SMIM15: variants seen among roughly 807,000 people sequenced by gnomAD.
The protein encoded by SMIM15 is UPF0542 protein C5orf43.
A neutral mutation model predicts 6.8 loss-of-function variants in SMIM15; 5 were observed. That is an observed-to-expected ratio of 0.74 (90% confidence interval 0.39 to 1.56). The LOEUF (loss-of-function observed/expected upper bound fraction) is 1.56. Ranked by LOEUF, SMIM15 falls within the 40% of genes most tolerant of loss-of-function variation. SMIM15 has a pLI of 0.03. For missense variants in SMIM15, 81 were observed against 84.8 expected (o/e 0.96, Z 0.18); for synonymous variants, 30 against 30.8 (o/e 0.97, Z 0.09).
Position 61,160,092 on chromosome 5 carries a change from ATAACGGTTG to A in SMIM15, c.71_79del (p.Thr24_Val26del). 6.2e-7 allele frequency: 1 copy of A among 1,614,226 alleles called. No individual in the cohort carries two copies. ...TAGGAACAGTGGAGTAAGGGCCAAA[ATAACGGTTG>A]TAAGGAAGCCATAGGGGTCCTTTGC... On this transcript the variant is annotated inframe_deletion, in exon 3 of 3. Transcript: ENST00000339020.
At chr5:61,160,619 A>C (rs1741397069) in intron 2 of SMIM15, among the ~76,000 whole-genome samples, 2 of 152,200 alleles carry the variant, frequency 1.3e-5, no homozygotes, top group Admixed American at 6.5e-5. Flanking sequence ...TAGTATTACT[A>C]ATTAACAAAA....
rs1741361028 is a variant in SMIM15, at chr5:61,158,551, G to C, written c.*1396C>G. 1 of 142,728 alleles carries C rather than the reference G, an allele frequency of 7.0e-6. No homozygotes were observed. Among genetic ancestry groups the C allele is most frequent in the East Asian group, 2.0e-4 (1 of 4,892 alleles). The allele number at this position is 142,728 out of a possible 1,614,324, so 8.8% of individuals were successfully genotyped here. A position where few individuals can be genotyped will look rare whatever the true frequency, so the allele number is the denominator to read the frequency against. The stretch of plus-strand genomic sequence containing the variant: ...GAAATTCTAACTTGCATAACATAAT[G>C]TAACTTAAAATGTTAGTTCCTCCAA... On this transcript the variant is annotated 3_prime_UTR_variant, in exon 3 of 3. Coordinates refer to ENST00000339020, the MANE Select transcript of SMIM15 (RefSeq NM_001048249.4).
At position 61,159,332 on chromosome 5, in the gene SMIM15, T is replaced by C. The variant is rs1349698796; in HGVS notation, c.*615A>G. The C allele has an allele frequency of 6.5e-6, 1 of 153,226 alleles. No homozygotes were observed. The highest frequency in any genetic ancestry group is 6.5e-5 in the Admixed American group (1 of 15,344). 9.5% of individuals were successfully genotyped at this position (153,226 alleles called of 1,614,324 possible). On this transcript the variant is annotated 3_prime_UTR_variant, in exon 3 of 3. Coordinates refer to ENST00000339020, the MANE Select transcript of SMIM15 (RefSeq NM_001048249.4). The stretch of plus-strand genomic sequence containing the variant: ...CGAGATAAGAGAATTCTTTATAAAA[T>C]TATGTTTTAAAAAATGGAAAATGAC...
Position 61,158,766 on chromosome 5 carries a change from T to G in SMIM15, c.*1181A>C, listed in dbSNP as rs1419278985. The stretch of plus-strand genomic sequence containing the variant: ...TGAATAAAATTATTGGACCATGCAT[T>G]TATAAAAGCCATGTTTAATAGTAAA... On this transcript the variant is annotated 3_prime_UTR_variant, in exon 3 of 3. Coordinates refer to ENST00000339020, the MANE Select transcript of SMIM15 (RefSeq NM_001048249.4). 6.6e-6 allele frequency: 1 copy of G among 152,170 alleles called. No individual in the cohort carries two copies. Among genetic ancestry groups the G allele is most frequent in the African/African-American group, 2.4e-5 (1 of 41,448 alleles). 9.4% of individuals were successfully genotyped at this position (152,170 alleles called of 1,614,324 possible). A position where few individuals can be genotyped will look rare whatever the true frequency, so the allele number is the denominator to read the frequency against.
In SMIM15 at chr5:61,160,230, A is replaced by G. The variant is rs978280962; in HGVS notation, c.-28-31T>C. 15 of 1,500,278 alleles carry G rather than the reference A, an allele frequency of 1.0e-5. No homozygotes were observed. In the Admixed American group the frequency reaches 2.2e-4, roughly 22 times the overall value. 92.9% of individuals were successfully genotyped at this position (1,500,278 alleles called of 1,614,324 possible). On this transcript the variant is annotated intron_variant, in intron 2 of 2. Coordinates refer to ENST00000339020, the MANE Select transcript of SMIM15 (RefSeq NM_001048249.4). Reference sequence around the variant, plus strand: ...GGAGGCGGGTGGAGAACACAGAGGAAAAAAACAGGAGAAAAGACTATGTGG... The same window carrying G: ...GGAGGCGGGTGGAGAACACAGAGGAGAAAAACAGGAGAAAAGACTATGTGG...
chr5:61,158,712 T>A lies in SMIM15; in HGVS notation c.*1235A>T, dbSNP rs1741363571. On this transcript the variant is annotated 3_prime_UTR_variant, in exon 3 of 3. Transcript: ENST00000339020. Reference sequence around the variant, plus strand: ...CATTAATGGGTACAGAAAACATTAATAAGCTGACAGTGAATTAAATACTAA... The same window carrying A: ...CATTAATGGGTACAGAAAACATTAAAAAGCTGACAGTGAATTAAATACTAA... 6.6e-6 allele frequency: 1 copy of A among 152,178 alleles called. No individual in the cohort carries two copies. The highest frequency in any genetic ancestry group is 1.5e-5 in the Non-Finnish European group (1 of 68,018). 9.4% of individuals were successfully genotyped at this position (152,178 alleles called of 1,614,324 possible). A position where few individuals can be genotyped will look rare whatever the true frequency, so the allele number is the denominator to read the frequency against.
Position 61,160,188 on chromosome 5 carries a change from T to A in SMIM15, c.-17A>T, listed in dbSNP as rs778720713. ...ATCAAACATCTTCACAGCAGTCTTA[T>A]GAAAACTGGGGCTGGGGGAGGCGGG... On this transcript the variant is annotated 5_prime_UTR_variant, in exon 3 of 3. Transcript: ENST00000339020. The A allele has an allele frequency of 1.2e-6, 2 of 1,607,980 alleles. No individual in the cohort carries two copies. The highest frequency in any genetic ancestry group is 2.2e-5 in the South Asian group (2 of 89,952).
intron 1 of SMIM15, among the ~76,000 whole-genome samples, chr5:61,161,479 T>G (rs1426744819): frequency 6.6e-6 from 1 of 152,158 alleles, no homozygotes; most frequent in Non-Finnish European, 1.5e-5. Context: ...ATAATAAAAT[T>G]TTTTTAGTTC....
At chr5:61,161,855 C>T (rs907871522) in intron 1 of SMIM15, among the ~76,000 whole-genome samples, 3 of 152,194 alleles carry the variant, frequency 2.0e-5, no homozygotes, top group Non-Finnish European at 4.4e-5. Context: ...CATACGACCT[C>T]ACCCATACAG....
In SMIM15 at chr5:61,158,971, T is replaced by C. The variant is rs1179098540; in HGVS notation, c.*976A>G. 6.6e-6 allele frequency: 1 copy of C among 152,224 alleles called. No individual in the cohort carries two copies. The highest frequency in any genetic ancestry group is 1.5e-5 in the Non-Finnish European group (1 of 68,030). 9.4% of individuals were successfully genotyped at this position (152,224 alleles called of 1,614,324 possible). On this transcript the variant is annotated 3_prime_UTR_variant, in exon 3 of 3. Transcript: ENST00000339020. ...GAAGTATGGCGTAACTGTTACACTT[T>C]AAGAGTTCTTTAAAAGAAATGTGAA...
At chr5:61,160,936 G>A (rs1741406078) in intron 2 of SMIM15, among the ~76,000 whole-genome samples, 152 bp downstream of exon 2, 1 of 152,180 alleles carries the variant, frequency 6.6e-6, no homozygotes, top group African/African-American at 2.4e-5. Flanking sequence ...TGACTTGAGT[G>A]ACGTTTTCTA....
In SMIM15 at chr5:61,159,687, C is replaced by A; in HGVS notation, c.*260G>T. The A allele has an allele frequency of 2.2e-6, 1 of 461,372 alleles. No individual in the cohort carries two copies. Among genetic ancestry groups the A allele is most frequent in the South Asian group, 2.6e-5 (1 of 38,274 alleles). The allele number at this position is 461,372 out of a possible 1,614,324, so 28.6% of individuals were successfully genotyped here. ...ATATAAACTGCTAAGCGGCAAATGA[C>A]TAAGTCAGTTATAAAGAATTTGTAC... is the stretch of plus-strand genomic sequence containing the variant. On this transcript the variant is annotated 3_prime_UTR_variant, in exon 3 of 3. Transcript: ENST00000339020.
Position 61,159,862 on chromosome 5 carries a change from C to A in SMIM15, c.*85G>T. The A allele has an allele frequency of 6.9e-7, 1 of 1,449,718 alleles. No homozygotes were observed. Among genetic ancestry groups the A allele is most frequent in the South Asian group, 1.3e-5 (1 of 79,370 alleles). 89.8% of individuals were successfully genotyped at this position (1,449,718 alleles called of 1,614,324 possible). A position where few individuals can be genotyped will look rare whatever the true frequency, so the allele number is the denominator to read the frequency against. ...TTACTAAATCATACTGTCAAGAAAT[C>A]CAAAGAAGAAACTTTAGTGGATTCT... On this transcript the variant is annotated 3_prime_UTR_variant, in exon 3 of 3. Coordinates refer to ENST00000339020, the MANE Select transcript of SMIM15 (RefSeq NM_001048249.4).
Position 61,160,021 on chromosome 5 carries a change from TG to T in SMIM15, c.150del (p.Arg51GlyfsTer21). ...LSWKLAKMIEAREKEQKKKQK... is the reference protein window; with the variant it reads ...LSWKLAKMIEXREKEQKKKQK... ...TGCTTCTTCTTTTGCTCCTTCTCCC[TG>T]GCCTCAATCATCTTGGCCAATTTCC... On this transcript the variant is annotated frameshift_variant, in exon 3 of 3. Coordinates refer to ENST00000339020, the MANE Select transcript of SMIM15 (RefSeq NM_001048249.4). LOFTEE classifies it high-confidence loss of function. 6.2e-7 allele frequency: 1 copy of T among 1,614,026 alleles called. No individual in the cohort carries two copies.
chr5:61,160,204 G>T lies in SMIM15; in HGVS notation c.-28-5C>A. 1 of 1,597,992 alleles carries T rather than the reference G, an allele frequency of 6.3e-7. No homozygotes were observed. The highest frequency in any genetic ancestry group is 8.5e-7 in the Non-Finnish European group (1 of 1,170,348). On this transcript the variant is annotated splice_region_variant and splice_polypyrimidine_tract_variant and intron_variant, in intron 2 of 2. Coordinates refer to ENST00000339020, the MANE Select transcript of SMIM15 (RefSeq NM_001048249.4). ...GCAGTCTTATGAAAACTGGGGCTGGGGGAGGCGGGTGGAGAACACAGAGGA... is the reference window on the plus strand; with the variant it reads ...GCAGTCTTATGAAAACTGGGGCTGGTGGAGGCGGGTGGAGAACACAGAGGA...
chr5:61,160,529 G>A (rs899117259), intron 2 of SMIM15, among the ~76,000 whole-genome samples: 2 of 152,118 alleles, frequency 1.3e-5, no homozygotes, highest in African/African-American at 4.8e-5. Context: ...TTTAGGAGGA[G>A]GCTTTTATAA....
At chr5:61,161,263 T>G (rs1579861571) in intron 1 of SMIM15, 36 bp from the exon 2 acceptor site, 1 of 152,344 alleles carries the variant, frequency 6.6e-6, no homozygotes, top group East Asian at 1.9e-4. Flanking sequence ...AAACAAAATT[T>G]AAGTCACAAT....
chr5:61,159,428 T>C lies in SMIM15; in HGVS notation c.*519A>G, dbSNP rs973044955. On this transcript the variant is annotated 3_prime_UTR_variant, in exon 3 of 3. Transcript: ENST00000339020. Reference sequence around the variant, plus strand: ...CAAATAGAAGTACTCATTAATATTATTTTGTTTTGAGAAAGCCAGAAATGA... The same window carrying C: ...CAAATAGAAGTACTCATTAATATTACTTTGTTTTGAGAAAGCCAGAAATGA... 4.5e-5 allele frequency: 7 copies of C among 154,300 alleles called. No homozygotes were observed. The highest frequency in any genetic ancestry group is 1.7e-4 in the African/African-American group (7 of 41,470). 9.6% of individuals were successfully genotyped at this position (154,300 alleles called of 1,614,324 possible).
At chr5:61,160,957 G>T (rs1204019002) in intron 2 of SMIM15, 131 bp downstream of exon 2, 2 of 152,194 alleles carry the variant, frequency 1.3e-5, no homozygotes, top group African/African-American at 4.8e-5. Context: ...TTTTGCCCCA[G>T]AGGCTTTTCT....
Sources: gnomAD v4.1 joint callset for allele counts (sites outside exome capture counted in the v4.1 genomes callset) on GRCh38, gnomAD v4.1.1 for gene constraint, MANE v1.5 for transcripts, NCBI Gene and HGNC (gene_info 2026-07-23, HGNC 2026-07-21) for gene names.